The following SPOCK1 variants were observed in gnomAD, a reference collection of about 807,000 sequenced individuals.
SPOCK1 encodes the protein SPARC (osteonectin), cwcv and kazal like domains proteoglycan 1.
In SPOCK1, 23 loss-of-function variants were observed where a neutral mutation model predicts 55.3. That is an observed-to-expected ratio of 0.42 (90% CI 0.30 to 0.59). The LOEUF is 0.59. SPOCK1 is among the 20% of genes least tolerant of loss of function. The probability of loss-of-function intolerance (pLI) is 0.22; values close to 1 mark genes in which losing one functional copy is unlikely to be tolerated. For missense variants in SPOCK1, 499 were observed against 552.5 expected (o/e 0.90, Z 0.97); for synonymous variants, 226 against 221.0 (o/e 1.02, Z -0.20).
At chr5:137,200,937 T>G (rs1239430373) in intron 3 of SPOCK1, among the ~76,000 whole-genome samples, 1 of 152,206 alleles carries the variant, frequency 6.6e-6, no homozygotes, top group African/African-American at 2.4e-5. Flanking sequence ...GTTGGGCCAG[T>G]GACACTGTGA....
At chr5:137,145,433 A>T (rs1754173658) in intron 3 of SPOCK1, among the ~76,000 whole-genome samples, 1 of 152,166 alleles carries the variant, frequency 6.6e-6, no homozygotes. Flanking sequence ...TCTTGAGCAC[A>T]TCCTATAGGC....
At chr5:137,397,725 T>C (rs1223064328) in intron 2 of SPOCK1, among the ~76,000 whole-genome samples, 1 of 152,196 alleles carries the variant, frequency 6.6e-6, no homozygotes, top group Non-Finnish European at 1.5e-5. Flanking sequence ...CTGAGATTCA[T>C]GTCCTTCTCC....
chr5:137,320,444 G>A (rs1322532999), intron 2 of SPOCK1, among the ~76,000 whole-genome samples: 1 of 152,228 alleles, frequency 6.6e-6, no homozygotes, highest in African/African-American at 2.4e-5. Context: ...GAAAGGAAGG[G>A]TGGAATGTAT....
chr5:137,312,369 C>A (rs1389816404), intron 2 of SPOCK1, among the ~76,000 whole-genome samples: 2 of 152,102 alleles, frequency 1.3e-5, no homozygotes, highest in African/African-American at 4.8e-5. Context: ...ATCTCATCCC[C>A]ACAGCACTCA....
intron 2 of SPOCK1, among the ~76,000 whole-genome samples, chr5:137,487,551 A>T (rs1236894612): frequency 2.0e-5 from 3 of 152,144 alleles, no homozygotes; most frequent in Non-Finnish European, 4.4e-5. Flanking sequence ...CTTCAGTTTC[A>T]ATATTCTTTT....
chr5:137,075,085 C>T (rs757408331), intron 5 of SPOCK1, among the ~76,000 whole-genome samples: 80 of 152,084 alleles, frequency 5.3e-4, no homozygotes, highest in Non-Finnish European at 1.0e-3. Context: ...TAGATCTGCC[C>T]GCCTCATCCT....
intron 3 of SPOCK1, among the ~76,000 whole-genome samples, chr5:137,246,218 C>A (rs1756392374): frequency 6.6e-6 from 1 of 152,206 alleles, no homozygotes; most frequent in Non-Finnish European, 1.5e-5. Flanking sequence ...TCACTGTGTA[C>A]CCTTAGCAAC....
At chr5:137,086,327 G>A (rs1752958807) in intron 5 of SPOCK1, among the ~76,000 whole-genome samples, 1 of 152,178 alleles carries the variant, frequency 6.6e-6, no homozygotes, top group Admixed American at 6.5e-5. Context: ...AGCTAGATGG[G>A]GCTAGAAACT....
intron 2 of SPOCK1, among the ~76,000 whole-genome samples, chr5:137,429,986 T>C (rs34994839): frequency 0.079 from 12,103 of 152,288 alleles, 1,227 homozygotes; most frequent in African/African-American, 0.24. Flanking sequence ...GTGTCTTCAA[T>C]TCCTGTGTGT....
rs1338189463 is a variant in SPOCK1, at chr5:137,382,175, C to G, written c.187-115120G>C. ...TTTGCTAAAGCATAGCAAGAATGAC[C>G]TTTGCTCCAGTTCCCAGTAGGTTCC... is the stretch of plus-strand genomic sequence containing the variant. On this transcript the variant is annotated intron_variant, in intron 2 of 10. Transcript: ENST00000394945. Among the ~76,000 whole-genome samples, 5 of 152,226 alleles carry G rather than the reference C, an allele frequency of 3.3e-5. No individual in the cohort carries two copies. The East Asian group carries it at 9.6e-4, about 29-fold the overall frequency.
At chr5:137,141,116 C>G (rs1350224922) in intron 3 of SPOCK1, among the ~76,000 whole-genome samples, 1 of 152,138 alleles carries the variant, frequency 6.6e-6, no homozygotes, top group Non-Finnish European at 1.5e-5. Flanking sequence ...CATGTGTTTG[C>G]CCTCGGTGCT....
intron 3 of SPOCK1, among the ~76,000 whole-genome samples, chr5:137,185,719 G>A (rs186467438): frequency 4.7e-4 from 72 of 152,258 alleles, no homozygotes; most frequent in Non-Finnish European, 1.2e-4. Context: ...GCCGAGAGGA[G>A]GCTGTCTCAC....
chr5:137,173,585 A>G (rs890408206), intron 3 of SPOCK1, among the ~76,000 whole-genome samples: 9 of 152,202 alleles, frequency 5.9e-5, no homozygotes, highest in African/African-American at 1.9e-4. Context: ...ACTAAACACC[A>G]CCAAGCTGTG....
chr5:137,220,496 T>A (rs912517890), intron 3 of SPOCK1, among the ~76,000 whole-genome samples: 1 of 152,144 alleles, frequency 6.6e-6, no homozygotes, highest in Non-Finnish European at 1.5e-5. Context: ...CCCTGTGAGG[T>A]TGTTTGTATT....
At chr5:137,010,188 G>T (rs17521288) in intron 6 of SPOCK1, among the ~76,000 whole-genome samples, 5,548 of 152,026 alleles carry the variant, frequency 0.036, 112 homozygotes, top group Non-Finnish European at 0.047. Context: ...ATCTATACTC[G>T]CCCGAGTTCC....
chr5:137,024,317 G>GGGGGGC (rs1751629186), intron 6 of SPOCK1, among the ~76,000 whole-genome samples: 1 of 89,160 alleles, frequency 1.1e-5, no homozygotes, highest in South Asian at 4.2e-4. Flanking sequence ...AGTTTGAAGG[G>GGGGGGC]GGGGGGGTAG....
At chr5:137,096,396 G>A (rs1269104725) in intron 5 of SPOCK1, among the ~76,000 whole-genome samples, 2 of 152,214 alleles carry the variant, frequency 1.3e-5, no homozygotes, top group East Asian at 3.9e-4. Flanking sequence ...AGCACCAATG[G>A]GGTCAGTTAT....
chr5:137,184,186 T>C (rs980271360), intron 3 of SPOCK1, among the ~76,000 whole-genome samples: 1 of 152,202 alleles, frequency 6.6e-6, no homozygotes, highest in Non-Finnish European at 1.5e-5. Flanking sequence ...GCAGTGAGCA[T>C]CTGAGCTTCA....
chr5:137,479,499 G>T (rs1753904115), intron 2 of SPOCK1, among the ~76,000 whole-genome samples: 1 of 152,166 alleles, frequency 6.6e-6, no homozygotes, highest in South Asian at 2.1e-4. Flanking sequence ...CCACCTCCTA[G>T]GCACATGATA....
Sources: allele counts gnomAD v4.1 joint callset (sites outside exome capture counted in the v4.1 genomes callset), GRCh38; gene constraint gnomAD v4.1.1; transcripts MANE v1.5; gene names NCBI Gene and HGNC (gene_info 2026-07-23, HGNC 2026-07-21).